TTN: variants seen among roughly 807,000 people sequenced by gnomAD.
TTN encodes the protein titin.
A neutral mutation model predicts 3,223.0 loss-of-function variants in TTN; 1,525 were observed. The ratio of observed to expected loss-of-function variants is 0.47; its 90% CI spans 0.45 to 0.49. The LOEUF is 0.49. Ranked by LOEUF, TTN falls within the 20% of genes least tolerant of loss-of-function variation. The pLI, the probability that TTN is intolerant of heterozygous loss-of-function variation, is 0.00. For missense variants in TTN, 40,786 were observed against 43,424.0 expected (o/e 0.94, Z 5.40); for synonymous variants, 14,094 against 15,161.0 (o/e 0.93, Z 5.17).
chr2:178,564,074 T>C lies in TTN; in HGVS notation c.82058A>G (p.Asn27353Ser), dbSNP rs1704729039. Residue 27353 changes from asparagine (N) to serine (S), a missense_variant, in exon 326 of 363, where the codon AAT (asparagine) becomes AGT (serine). Physicochemically the swap from Asn to Ser is conservative, Grantham distance 46. Transcript: ENST00000589042. ...GGGTATAGACTTTGTACCACCAACA[T>C]TGCTGAGTTTCAGAATATATTGTCC... Reference protein sequence around the residue: ...DGGQYILKLSNVGGTKSIPIT... With the variant: ...DGGQYILKLSSVGGTKSIPIT... 6.2e-7 allele frequency: 1 copy of C among 1,613,802 alleles called. No homozygotes were observed. The highest frequency in any genetic ancestry group is 8.5e-7 in the Non-Finnish European group (1 of 1,179,750).
rs1004625054 is a variant in TTN at position 178,570,867 on chromosome 2, C to T, written c.75265G>A (p.Val25089Met). Residue 25089 changes from valine (V) to methionine (M), a missense_variant, in exon 326 of 363, where the codon GTG (valine) becomes ATG (methionine). Coordinates refer to ENST00000589042, the MANE Select transcript of TTN (RefSeq NM_001267550.2). Reference protein sequence around the residue: ...FRVIARNAAGVFSEPSESTGA... With the variant: ...FRVIARNAAGMFSEPSESTGA... Reference sequence around the variant, plus strand: ...GTGCTTTCTGAAGGCTCACTAAACACTCCTGCGGCATTTCGGGCTATAACC... The same window carrying T: ...GTGCTTTCTGAAGGCTCACTAAACATTCCTGCGGCATTTCGGGCTATAACC... 2 of 1,613,444 alleles carry T rather than the reference C, an allele frequency of 1.2e-6. No individual in the cohort carries two copies. Among genetic ancestry groups the T allele is most frequent in the African/African-American group, 1.3e-5 (1 of 74,886 alleles).
At chr2:178,707,483 G>A in intron 100 of TTN, 43 bp downstream of exon 100, 1 of 1,541,628 alleles carries the variant, frequency 6.5e-7, no homozygotes, top group East Asian at 2.3e-5. Flanking sequence ...AAACATGAGT[G>A]GTTGCTGGCT....
intron 159 of TTN, among the ~76,000 whole-genome samples, chr2:178,668,390 GAAC>G (rs1197444390): frequency 6.6e-6 from 1 of 152,044 alleles, no homozygotes; most frequent in Non-Finnish European, 1.5e-5. Context: ...ATAACAGGAT[GAAC>G]AACAAGAAAG....
intron 208 of TTN, 118 bp downstream of exon 208, chr2:178,651,125 A>C: frequency 1.2e-6 from 1 of 825,292 alleles, no homozygotes. Context: ...CTAAAAATCC[A>C]GAATGACAGT....
chr2:178,542,626 C>A, intron 348 of TTN, 36 bp downstream of exon 348: 1 of 1,599,316 alleles, frequency 6.3e-7, no homozygotes, highest in South Asian at 1.1e-5. Context: ...GGTGACTGAA[C>A]ATCAACTTGC....
At position 178,782,294 on chromosome 2, in the gene TTN, C is replaced by T; in HGVS notation, c.3298G>A (p.Val1100Met). Reference protein sequence around the residue: ...VQKLVEGGSVVFGCQVGGNPK... With the variant: ...VQKLVEGGSVMFGCQVGGNPK... The stretch of plus-strand genomic sequence containing the variant: ...TTGCCGCCAACTTGGCATCCAAACA[C>T]CACGCTCCCACCTTCCACCAGTTTC... Residue 1100 changes from valine (V) to methionine (M), a missense_variant, in exon 20 of 363, where the codon GTG (valine) becomes ATG (methionine). Transcript: ENST00000589042. 1 of 1,614,138 alleles carries T rather than the reference C, an allele frequency of 6.2e-7. No homozygotes were observed.
intron 15 of TTN, among the ~76,000 whole-genome samples, chr2:178,785,248 C>T (rs756048214): frequency 2.0e-5 from 3 of 152,146 alleles, no homozygotes; most frequent in Non-Finnish European, 4.4e-5. Context: ...AGTTAAGTTA[C>T]TCTGAAATGT....
At chr2:178,619,505 G>A (rs2057946962) in intron 250 of TTN, 116 bp downstream of exon 250, 2 of 1,325,074 alleles carry the variant, frequency 1.5e-6, no homozygotes, top group Non-Finnish European at 2.1e-6. Context: ...TTAACATGTG[G>A]GTAGGGCTTG....
chr2:178,770,853 AACTGG>A (rs778218805), intron 34 of TTN, 178 bp from the exon 35 acceptor site: 6 of 888,090 alleles, frequency 6.8e-6, no homozygotes, highest in Non-Finnish European at 7.5e-6. Flanking sequence ...CCTGGGATCC[AACTGG>A]ACATGTACAT....
Position 178,554,112 on chromosome 2 carries a change from C to G in TTN, c.88999G>C (p.Gly29667Arg). ...PIADGGSDIS[G>R]YFLEKRDKKS... is the part of the protein sequence containing the mutation. ...TTGTCTCGTTTTTCAAGGAAATAGC[C>G]ACTTATATCACTACCGCCATCTGCA... Residue 29667 changes from glycine (G) to arginine (R), a missense_variant, in exon 333 of 363, where the codon GGC becomes CGC. By Grantham distance (125) the Gly-to-Arg change is moderately radical. Coordinates refer to ENST00000589042, the MANE Select transcript of TTN (RefSeq NM_001267550.2). 1 of 1,613,818 alleles carries G rather than the reference C, an allele frequency of 6.2e-7. No homozygotes were observed. The highest frequency in any genetic ancestry group is 8.5e-7 in the Non-Finnish European group (1 of 1,179,802).
chr2:178,542,089 T>G, intron 349 of TTN, 175 bp downstream of exon 349: 1 of 572,976 alleles, frequency 1.7e-6, no homozygotes, highest in South Asian at 3.7e-5. Context: ...TGAAAACCTC[T>G]GAGAAAAGGA....
chr2:178,554,894 G>C lies in TTN; in HGVS notation c.88565C>G (p.Ala29522Gly). ...GATCTGTACTCTGATGGTGGCTGAGGCTGAGCCCATGGCATTCCTTAGTTT... is the reference window on the plus strand; with the variant it reads ...GATCTGTACTCTGATGGTGGCTGAGCCTGAGCCCATGGCATTCCTTAGTTT... Reference protein sequence around the residue: ...ELKLRNAMGSASATIRVQILD... With the variant: ...ELKLRNAMGSGSATIRVQILD... Residue 29522 changes from alanine to glycine, a missense_variant, in exon 331 of 363, where the codon GCC (alanine) becomes GGC (glycine). By Grantham distance (60) the Ala-to-Gly change is moderately conservative. Coordinates refer to ENST00000589042, the MANE Select transcript of TTN (RefSeq NM_001267550.2). 6.2e-7 allele frequency: 1 copy of C among 1,613,900 alleles called. No homozygotes were observed. The highest frequency in any genetic ancestry group is 8.5e-7 in the Non-Finnish European group (1 of 1,179,846).
At chr2:178,757,228 T>TACTGTACTTGCTTTAAGTACAGTAAGG (rs1561095659) in intron 45 of TTN, among the ~76,000 whole-genome samples, 2 of 123,580 alleles carry the variant, frequency 1.6e-5, no homozygotes, top group African/African-American at 2.6e-5. Flanking sequence ...CAGTAAGTAA[T>TACTGTACTTGCTTTAAGTACAGTAAGG]AATCAGCAAA....
intron 47 of TTN, chr2:178,750,377 T>C (rs1409505444): frequency 1.9e-6 from 3 of 1,613,082 alleles, no homozygotes; most frequent in Non-Finnish European, 2.5e-6. Context: ...TTCATTCTGA[T>C]GATGAACAGA....
In TTN at chr2:178,547,962, T is replaced by A; in HGVS notation, c.93664A>T (p.Asn31222Tyr). 6.2e-7 allele frequency: 1 copy of A among 1,613,710 alleles called. No individual in the cohort carries two copies. The highest frequency in any genetic ancestry group is 8.5e-7 in the Non-Finnish European group (1 of 1,179,730). Residue 31222 changes from asparagine (N) to tyrosine (Y), a missense_variant, in exon 339 of 363, where the codon AAT becomes TAT. By Grantham distance (143) the Asn-to-Tyr change is moderately radical. Coordinates refer to ENST00000589042, the MANE Select transcript of TTN (RefSeq NM_001267550.2). ...EPTADLTGIT[N>Y]QLITCKAGSP... ...CCTGCTTTGCAAGTTATAAGCTGAT[T>A]GGTAATTCCAGTGAGGTCAGCAGTG...
rs1274927459 is a variant in TTN, at chr2:178,694,544, C to T, written c.31426+55G>A. On this transcript the variant is annotated intron_variant, in intron 117 of 362. Coordinates refer to ENST00000589042, the MANE Select transcript of TTN (RefSeq NM_001267550.2). ...ACTTAGCAATATATGTACACATGTC[C>T]ATACACATAAATAAAAAAATTTTGA... The T allele has an allele frequency of 2.3e-6, 3 of 1,325,796 alleles. No individual in the cohort carries two copies. In the African/African-American group the frequency reaches 4.4e-5, roughly 20 times the overall value. The allele number at this position is 1,325,796 out of a possible 1,614,324, so 82.1% of individuals were successfully genotyped here.
rs376283153 is a variant in TTN at position 178,561,041 on chromosome 2, C to T, written c.85091G>A (p.Arg28364Gln). ...PPRVMMDVKFRDVIVVKAGEV... is the reference protein window; with the variant it reads ...PPRVMMDVKFQDVIVVKAGEV... ...TCCAGCTTTGACAACAATAACGTCTCGGAACTTGACATCCATCATAACTCT... is the reference window on the plus strand; with the variant it reads ...TCCAGCTTTGACAACAATAACGTCTTGGAACTTGACATCCATCATAACTCT... The change falls in exon 326 of 363, where the codon CGA (arginine) becomes CAA (glutamine). Residue 28364 changes from arginine to glutamine, a missense_variant. By Grantham distance (43) the Arg-to-Gln change is conservative. Transcript: ENST00000589042. 77 of 1,613,740 alleles carry T rather than the reference C, an allele frequency of 4.8e-5. No individual in the cohort carries two copies. In the East Asian group the frequency reaches 1.0e-3, roughly 21 times the overall value.
In TTN at chr2:178,531,147, C is replaced by T. The variant is rs55806007; in HGVS notation, c.105468G>A (p.Pro35156=). ...TACGCAGCCAGGTCACAGTTGGTAC[C>T]GGCTCACCATCGGTGTCACAAGAAA... ...ARFSCDTDGE[P]VPTVTWLRKG... is the part of the protein sequence containing the mutation. The change falls in exon 358 of 363, where the codon CCG becomes CCA. Residue 35156 remains proline (P), a synonymous_variant. Coordinates refer to ENST00000589042, the MANE Select transcript of TTN (RefSeq NM_001267550.2). 15,762 of 1,613,934 alleles carry T rather than the reference C, an allele frequency of 9.8e-3. 107 individuals carry two copies. Among genetic ancestry groups the T allele is most frequent in the Non-Finnish European group, 0.011 (12,553 of 1,179,886 alleles).
chr2:178,805,372 A>G (rs2154361434), intron 1 of TTN, among the ~76,000 whole-genome samples: 1 of 151,570 alleles, frequency 6.6e-6, no homozygotes, highest in African/African-American at 2.4e-5. Flanking sequence ...AAATTAAAAT[A>G]AATAAACCTC....
Sources: allele counts gnomAD v4.1 joint callset (sites outside exome capture counted in the v4.1 genomes callset), GRCh38; gene constraint gnomAD v4.1.1; transcripts MANE v1.5; gene names NCBI Gene and HGNC (gene_info 2026-07-23, HGNC 2026-07-21).